Variants in BNC2 observed in about 807,000 individuals in gnomAD.
BNC2 encodes the protein zinc finger protein basonuclin-2.
A neutral mutation model predicts 76.3 loss-of-function variants in BNC2; 20 were observed. The observed-to-expected ratio is 0.26, with a 90% CI of 0.18 to 0.38. The LOEUF is 0.38. Among genes scored for constraint, BNC2 ranks in the 10% least tolerant of loss-of-function variants. BNC2 has a pLI of 1.00. For missense variants in BNC2, 1,382 were observed against 1,399.8 expected (o/e 0.99, Z 0.20); for synonymous variants, 582 against 514.8 (o/e 1.13, Z -1.77).
intron 3 of BNC2, among the ~76,000 whole-genome samples, chr9:16,598,380 C>A (rs993433211): frequency 6.6e-6 from 1 of 152,148 alleles, no homozygotes; most frequent in Non-Finnish European, 1.5e-5. Flanking sequence ...ATTCCAGGGA[C>A]AACTTTCTAA....
chr9:16,419,672 G>T (rs775143075), intron 6 of BNC2, 23 bp from the exon 7 acceptor site: 2 of 604,208 alleles, frequency 3.3e-6, no homozygotes, highest in East Asian at 5.3e-5. Flanking sequence ...GAGGGAAGGG[G>T]GGGTACGTGG....
intron 1 of BNC2, among the ~76,000 whole-genome samples, chr9:16,827,657 A>G (rs528896669): frequency 2.6e-5 from 4 of 152,356 alleles, no homozygotes; most frequent in African/African-American, 9.6e-5. Flanking sequence ...GGAATTTGTG[A>G]GTACTGGTGA....
chr9:16,795,555 C>G (rs1029520457), intron 1 of BNC2, among the ~76,000 whole-genome samples: 1 of 152,170 alleles, frequency 6.6e-6, no homozygotes, highest in African/African-American at 2.4e-5. Context: ...TCTCCACACC[C>G]TCCACATCAC....
chr9:16,612,010 T>C (rs1385160302), intron 3 of BNC2, among the ~76,000 whole-genome samples: 1 of 149,370 alleles, frequency 6.7e-6, no homozygotes, highest in African/African-American at 2.5e-5. Flanking sequence ...AATTATTCTA[T>C]TAGTTAATTT....
At chr9:16,859,624 T>C (rs2136199937) in intron 1 of BNC2, among the ~76,000 whole-genome samples, 1 of 152,318 alleles carries the variant, frequency 6.6e-6, no homozygotes. Context: ...ATGTACTGCA[T>C]GATTCCACTT....
chr9:16,421,044 T>A (rs112220044), intron 6 of BNC2, among the ~76,000 whole-genome samples: 5 of 152,328 alleles, frequency 3.3e-5, no homozygotes, highest in African/African-American at 9.6e-5. Context: ...GACCTCCCGA[T>A]TATACTTAAA....
chr9:16,804,441 A>G (rs1817855838), intron 1 of BNC2, among the ~76,000 whole-genome samples: 1 of 152,234 alleles, frequency 6.6e-6, no homozygotes, highest in Non-Finnish European at 1.5e-5. Context: ...CTGTCTTAGT[A>G]TGCTATACTC....
chr9:16,637,919 G>A (rs1229940331), intron 3 of BNC2, among the ~76,000 whole-genome samples: 1 of 152,212 alleles, frequency 6.6e-6, no homozygotes, highest in Non-Finnish European at 1.5e-5. Flanking sequence ...GATTTTAAGT[G>A]CCCAGCAAGA....
At chr9:16,499,634 A>G (rs1822477101) in intron 5 of BNC2, among the ~76,000 whole-genome samples, 1 of 150,808 alleles carries the variant, frequency 6.6e-6, no homozygotes, top group Non-Finnish European at 1.5e-5. Flanking sequence ...GGTTCAAGCA[A>G]TTCTCGTGCC....
chr9:16,714,285 A>G (rs1196353604), intron 3 of BNC2, among the ~76,000 whole-genome samples: 1 of 152,262 alleles, frequency 6.6e-6, no homozygotes, highest in East Asian at 1.9e-4. Flanking sequence ...GTTATTTTAT[A>G]AAAATTAACA....
intron 1 of BNC2, among the ~76,000 whole-genome samples, chr9:16,774,871 T>C (rs1042899439): frequency 6.6e-6 from 1 of 152,242 alleles, no homozygotes; most frequent in African/African-American, 2.4e-5. Context: ...CAAAAGACTG[T>C]ATATCTGTTA....
At chr9:16,832,729 T>C (rs1818604859) in intron 1 of BNC2, among the ~76,000 whole-genome samples, 1 of 152,036 alleles carries the variant, frequency 6.6e-6, no homozygotes. Flanking sequence ...CAAATTCCTT[T>C]TTTTTTTCTT....
At chr9:16,663,839 T>A (rs766196774) in intron 3 of BNC2, among the ~76,000 whole-genome samples, 11 of 152,142 alleles carry the variant, frequency 7.2e-5, no homozygotes, top group Non-Finnish European at 1.5e-4. Context: ...TTTTTCCAAA[T>A]AAATTTTTGC....
At chr9:16,460,061 A>C (rs1394170925) in intron 5 of BNC2, among the ~76,000 whole-genome samples, 1 of 152,208 alleles carries the variant, frequency 6.6e-6, no homozygotes, top group Non-Finnish European at 1.5e-5. Flanking sequence ...GGTAAATTTT[A>C]AGTCATCTAA....
chr9:16,850,915 G>A (rs1819112671), intron 1 of BNC2, among the ~76,000 whole-genome samples: 1 of 152,108 alleles, frequency 6.6e-6, no homozygotes, highest in African/African-American at 2.4e-5. Context: ...TGTCATGGAA[G>A]ATTTGCTAGC....
intron 1 of BNC2, among the ~76,000 whole-genome samples, chr9:16,796,040 T>C (rs936470301): frequency 6.6e-6 from 1 of 152,170 alleles, no homozygotes; most frequent in African/African-American, 2.4e-5. Context: ...AGCTCTTAAA[T>C]GAAGACAATG....
At chr9:16,781,503 C>T (rs1826153921) in intron 1 of BNC2, among the ~76,000 whole-genome samples, 1 of 152,202 alleles carries the variant, frequency 6.6e-6, no homozygotes, top group Admixed American at 6.5e-5. Context: ...CCGCCAGGCA[C>T]AGCTAGTTTT....
chr9:16,538,257 A>G (rs1404854371), intron 5 of BNC2, among the ~76,000 whole-genome samples: 2 of 152,186 alleles, frequency 1.3e-5, no homozygotes, highest in Non-Finnish European at 2.9e-5. Flanking sequence ...AATTATATAC[A>G]TATATTACTT....
chr9:16,770,278 T>A (rs1222976060), intron 1 of BNC2, among the ~76,000 whole-genome samples: 1 of 152,172 alleles, frequency 6.6e-6, no homozygotes, highest in Non-Finnish European at 1.5e-5. Flanking sequence ...GTCACAGATA[T>A]GGGCTGATTG....
Sources: gnomAD v4.1 joint callset for allele counts (sites outside exome capture counted in the v4.1 genomes callset) on GRCh38, gnomAD v4.1.1 for gene constraint, MANE v1.5 for transcripts, NCBI Gene and HGNC (gene_info 2026-07-23, HGNC 2026-07-21) for gene names.